CNTRL: variants seen among roughly 807,000 people sequenced by gnomAD.
CNTRL encodes centriolin.
In CNTRL, 233 loss-of-function variants were observed where a neutral mutation model predicts 303.7. The observed-to-expected ratio is 0.77, with a 90% CI of 0.69 to 0.86. The LOEUF (loss-of-function observed/expected upper bound fraction) is 0.86. Ranked by LOEUF, CNTRL falls within the 40% of genes least tolerant of loss-of-function variation. The pLI, the probability that CNTRL is intolerant of heterozygous loss-of-function variation, is 0.00. For synonymous variants in CNTRL, 900 were observed against 922.2 expected (o/e 0.98, Z 0.44); for missense variants, 2,524 against 2,650.6 (o/e 0.95, Z 1.05).
chr9:121,136,453 G>C (rs1173495066), intron 15 of CNTRL, among the ~76,000 whole-genome samples: 1 of 152,070 alleles, frequency 6.6e-6, no homozygotes, highest in Non-Finnish European at 1.5e-5. Flanking sequence ...GGGACTACAG[G>C]TGCGCGCCAC....
At chr9:121,128,082 A>G (rs184957899) in intron 14 of CNTRL, among the ~76,000 whole-genome samples, 3 of 152,172 alleles carry the variant, frequency 2.0e-5, no homozygotes, top group East Asian at 3.9e-4. Flanking sequence ...TTTTGCTATT[A>G]TGAATAGTGC....
intron 2 of CNTRL, among the ~76,000 whole-genome samples, 156 bp downstream of exon 2, chr9:121,080,634 A>G (rs2048101450): frequency 6.6e-6 from 1 of 152,246 alleles, no homozygotes; most frequent in Non-Finnish European, 1.5e-5. Flanking sequence ...GGGAAAATAA[A>G]AACAAAGTGT....
Position 121,148,791 on chromosome 9 carries a change from TCCC to T in CNTRL, c.3582_3584del (p.Pro1195del). ...AGGATGGGAAGGAAGGCAGTCAACC[TCCC>T]CCTGCCTCAGGATACTGGGTTTATT... On this transcript the variant is annotated inframe_deletion, in exon 24 of 44. Transcript: ENST00000373855. The T allele has an allele frequency of 6.2e-7, 1 of 1,613,860 alleles. No homozygotes were observed. The highest frequency in any genetic ancestry group is 8.5e-7 in the Non-Finnish European group (1 of 1,179,912).
At chr9:121,149,719 T>C (rs1465640169) in intron 24 of CNTRL, among the ~76,000 whole-genome samples, 2 of 152,194 alleles carry the variant, frequency 1.3e-5, no homozygotes, top group Non-Finnish European at 2.9e-5. Flanking sequence ...GAAGTGCTTA[T>C]TGACTGCCTG....
chr9:121,173,456 AT>A lies in CNTRL; in HGVS notation c.6632del (p.Met2211ArgfsTer10). ...ESLKENLPFTMNEGPFEEKLN... is the reference protein window; with the variant it reads ...ESLKENLPFTXNEGPFEEKLN... ...CTTGAAAGAGAACCTTCCATTTACC[AT>A]GAATGAGGGACCTTTTGAAGAAAAA... On this transcript the variant is annotated frameshift_variant, in exon 41 of 44. Transcript: ENST00000373855. LOFTEE classifies it high-confidence loss of function. 6.2e-7 allele frequency: 1 copy of A among 1,613,924 alleles called. No individual in the cohort carries two copies.
At chr9:121,082,991 A>C (rs2048201538) in intron 2 of CNTRL, among the ~76,000 whole-genome samples, 1 of 144,046 alleles carries the variant, frequency 6.9e-6, no homozygotes, top group Non-Finnish European at 1.5e-5. Context: ...AAAAAATAGA[A>C]AAAGTACAAT....
chr9:121,116,761 CTGT>C, intron 11 of CNTRL, among the ~76,000 whole-genome samples: 1 of 152,060 alleles, frequency 6.6e-6, no homozygotes, highest in East Asian at 1.9e-4. Context: ...TGTCAGGAGG[CTGT>C]TGTTCAGTAC....
intron 14 of CNTRL, among the ~76,000 whole-genome samples, chr9:121,135,274 A>G (rs1371710138): frequency 1.3e-5 from 2 of 152,178 alleles, no homozygotes; most frequent in Non-Finnish European, 2.9e-5. Flanking sequence ...GCTATGGTTT[A>G]ATAGAGAGAG....
chr9:121,088,058 TGACA>T (rs2048415522), intron 2 of CNTRL, among the ~76,000 whole-genome samples: 1 of 152,202 alleles, frequency 6.6e-6, no homozygotes, highest in African/African-American at 2.4e-5. Context: ...AGAACAGGAA[TGACA>T]ACACTTCCAG....
chr9:121,163,328 A>AT (rs1021164027), intron 34 of CNTRL, among the ~76,000 whole-genome samples: 4,799 of 146,540 alleles, frequency 0.033, 100 homozygotes, highest in Non-Finnish European at 0.052. Context: ...TCAAAAAAAA[A>AT]ATATATATAT....
chr9:121,116,519 C>G (rs74982581), intron 11 of CNTRL, among the ~76,000 whole-genome samples: 11,684 of 152,156 alleles, frequency 0.077, 644 homozygotes, highest in Middle Eastern at 0.14. Flanking sequence ...GATGGAGTCT[C>G]ACCATATTGA....
intron 27 of CNTRL, among the ~76,000 whole-genome samples, chr9:121,155,614 C>T (rs985201046): frequency 2.6e-4 from 39 of 152,166 alleles, no homozygotes; most frequent in Admixed American, 2.4e-3. Context: ...TGAGCCACTG[C>T]GCCTGGCCCG....
In CNTRL at chr9:121,096,441, A is replaced by C. The variant is rs2132534712; in HGVS notation, c.499A>C (p.Asn167His). 1 of 1,547,306 alleles carries C rather than the reference A, an allele frequency of 6.5e-7. No individual in the cohort carries two copies. The highest frequency in any genetic ancestry group is 1.4e-5 in the African/African-American group (1 of 73,334). ...NKISKIEGIE[N>H]MCNLQKLNLA... Reference sequence around the variant, plus strand: ...TTCCAGCAAAATTGAAGGCATAGAAAATATGTGTAATCTGCAAAAGCTTAA... The same window carrying C: ...TTCCAGCAAAATTGAAGGCATAGAACATATGTGTAATCTGCAAAAGCTTAA... Residue 167 changes from asparagine (N) to histidine (H), a missense_variant, in exon 6 of 44, where the codon AAT (asparagine) becomes CAT (histidine). By Grantham distance (68) the Asn-to-His change is moderately conservative. Transcript: ENST00000373855.
At chr9:121,105,131 G>C (rs2049402466) in intron 7 of CNTRL, among the ~76,000 whole-genome samples, 1 of 152,180 alleles carries the variant, frequency 6.6e-6, no homozygotes, top group South Asian at 2.1e-4. Context: ...ATCTAGGCTG[G>C]AGTCTATGCC....
intron 6 of CNTRL, 121 bp downstream of exon 6, chr9:121,096,684 T>C: frequency 1.4e-6 from 1 of 715,542 alleles, no homozygotes; most frequent in Non-Finnish European, 2.0e-6. Flanking sequence ...GACTAAACAC[T>C]AGATTCAGAC....
chr9:121,101,258 G>A (rs534080695), intron 7 of CNTRL, among the ~76,000 whole-genome samples: 8 of 152,254 alleles, frequency 5.3e-5, no homozygotes, highest in Non-Finnish European at 7.4e-5. Flanking sequence ...ACTCAAAACC[G>A]CTCAACTACA....
At chr9:121,127,245 T>C (rs1247236070) in intron 14 of CNTRL, among the ~76,000 whole-genome samples, 1 of 152,146 alleles carries the variant, frequency 6.6e-6, no homozygotes, top group African/African-American at 2.4e-5. Flanking sequence ...CTTTTTGGGG[T>C]GCATTTAGGT....
At chr9:121,159,457 C>G (rs930511791) in intron 31 of CNTRL, among the ~76,000 whole-genome samples, 15 of 152,126 alleles carry the variant, frequency 9.9e-5, no homozygotes, top group African/African-American at 2.9e-4. Flanking sequence ...CATGGTGAAA[C>G]CCCATCTCTA....
Position 121,123,912 on chromosome 9 carries a change from A to G in CNTRL, c.1651-19A>G, listed in dbSNP as rs555377925. On this transcript the variant is annotated intron_variant, in intron 12 of 43. Coordinates refer to ENST00000373855, the MANE Select transcript of CNTRL (RefSeq NM_007018.6). ...GTTTAAGGAACTTGGAGTTTTGTTG[A>G]TTTTTTTTTTTAATTCAGTCCCATA... 9.0e-7 allele frequency: 1 copy of G among 1,114,684 alleles called. No homozygotes were observed. The highest frequency in any genetic ancestry group is 1.7e-5 in the South Asian group (1 of 57,152). The allele number at this position is 1,114,684 out of a possible 1,614,324, so 69.0% of individuals were successfully genotyped here.
Sources: gnomAD v4.1 joint callset for allele counts (sites outside exome capture counted in the v4.1 genomes callset) on GRCh38, gnomAD v4.1.1 for gene constraint, MANE v1.5 for transcripts, NCBI Gene and HGNC (gene_info 2026-07-23, HGNC 2026-07-21) for gene names.